The following TRIM77 variants were observed in gnomAD, a reference collection of about 807,000 sequenced individuals.
TRIM77 encodes the protein tripartite motif-containing protein 77.
TRIM77 carries 23 observed loss-of-function variants against 31.8 expected under a neutral mutation model. That is an observed-to-expected ratio of 0.72 (90% CI 0.52 to 1.02). The LOEUF (loss-of-function observed/expected upper bound fraction) is 1.02, where lower values mean the gene tolerates loss of function less well. Ranked by LOEUF, TRIM77 falls within the 50% of genes least tolerant of loss-of-function variation. The pLI, the probability that TRIM77 is intolerant of heterozygous loss-of-function variation, is 0.00. For missense variants in TRIM77, 446 were observed against 539.2 expected (o/e 0.83, Z 1.71); for synonymous variants, 159 against 183.1 (o/e 0.87, Z 1.06).
chr11:89,717,621 A>G lies in TRIM77; in HGVS notation c.1102A>G (p.Met368Val), dbSNP rs1157814705. 5.8e-6 allele frequency: 9 copies of G among 1,551,290 alleles called. No homozygotes were observed. Among genetic ancestry groups the G allele is most frequent in the Non-Finnish European group, 7.8e-6 (9 of 1,146,798 alleles). Reference protein sequence around the residue: ...CREAWTKRNDMRLDSEGIFLL... With the variant: ...CREAWTKRNDVRLDSEGIFLL... The stretch of plus-strand genomic sequence containing the variant: ...AGAAGCCTGGACAAAGAGGAATGAC[A>G]TGCGACTTGACTCTGAGGGTATCTT... Residue 368 changes from methionine (M) to valine (V), a missense_variant, in exon 6 of 6, where the codon ATG becomes GTG. Physicochemically the swap from Met to Val is conservative, Grantham distance 21. Coordinates refer to ENST00000398290, the MANE Select transcript of TRIM77 (RefSeq NM_001146162.1).
Position 89,710,455 on chromosome 11 carries a change from CCT to C in TRIM77, c.158_159del (p.Pro53ArgfsTer18), listed in dbSNP as rs761272763. The C allele has an allele frequency of 2.6e-6, 4 of 1,551,680 alleles. No homozygotes were observed. Among genetic ancestry groups the C allele is most frequent in the Non-Finnish European group, 3.5e-6 (4 of 1,146,948 alleles). On this transcript the variant is annotated frameshift_variant, in exon 1 of 6. Transcript: ENST00000398290. LOFTEE classifies it high-confidence loss of function. ...WEDTLTPNCC[P>X]VCREISQQMY... ...AGATACACTAACTCCTAATTGCTGC[CCT>C]GTGTGCAGGGAAATATCACAGCAAA...
At chr11:89,713,441 C>A (rs1949137442) in intron 2 of TRIM77, among the ~76,000 whole-genome samples, 1 of 139,678 alleles carries the variant, frequency 7.2e-6, no homozygotes. Flanking sequence ...GGGTGACAAA[C>A]TGAGACCTTG....
Position 89,717,517 on chromosome 11 carries a change from C to G in TRIM77, c.998C>G (p.Ala333Gly). 2 of 1,551,514 alleles carry G rather than the reference C, an allele frequency of 1.3e-6. No homozygotes were observed. The highest frequency in any genetic ancestry group is 1.7e-6 in the Non-Finnish European group (2 of 1,146,906). The change falls in exon 6 of 6, where the codon GCT becomes GGT. Residue 333 changes from alanine (A) to glycine (G), a missense_variant. Physicochemically the swap from Ala to Gly is moderately conservative, Grantham distance 60. Around this residue, in one of 3 missense-constraint regions of TRIM77, gnomAD observed 366 missense variants for 447.9 expected, o/e 0.82. Coordinates refer to ENST00000398290, the MANE Select transcript of TRIM77 (RefSeq NM_001146162.1). ...TSTQYTSSWG[A>G]QILSSGKHYW... ...ACACAGTATACTTCTTCATGGGGAG[C>G]TCAGATCCTCAGCTCTGGCAAACAT...
intron 3 of TRIM77, 69 bp downstream of exon 3, chr11:89,714,491 A>G: frequency 9.7e-7 from 1 of 1,031,034 alleles, no homozygotes; most frequent in Non-Finnish European, 1.4e-6. Flanking sequence ...TAGAGTCTAT[A>G]TCCTTTTTGA....
At chr11:89,716,884 TTAAA>T (rs1565426647) in intron 5 of TRIM77, among the ~76,000 whole-genome samples, 1 of 152,174 alleles carries the variant, frequency 6.6e-6, no homozygotes, top group Non-Finnish European at 1.5e-5. Flanking sequence ...ATAAGGAGGC[TTAAA>T]TAAAGGCCCA....
intron 4 of TRIM77, 90 bp downstream of exon 4, chr11:89,715,270 TTC>T: frequency 1.7e-6 from 2 of 1,190,834 alleles, no homozygotes; most frequent in Non-Finnish European, 2.4e-6. Flanking sequence ...AGTGAGGAAT[TTC>T]TGTCTGTATT....
Position 89,714,286 on chromosome 11 carries a change from T to C in TRIM77, c.602T>C (p.Leu201Pro), listed in dbSNP as rs1212591872. Residue 201 changes from leucine to proline, a missense_variant, in exon 3 of 6, where the codon CTG (leucine) becomes CCG (proline). Coordinates refer to ENST00000398290, the MANE Select transcript of TRIM77 (RefSeq NM_001146162.1). ...GAAGAGCAAAAGCACGTAGAGAGCC[T>C]GGCAAGAGAAGGCAGGATAATTTTT... ...REEEQKHVESLAREGRIIFQQ... is the reference protein window; with the variant it reads ...REEEQKHVESPAREGRIIFQQ... The C allele has an allele frequency of 1.9e-6, 3 of 1,551,676 alleles. No homozygotes were observed. The highest frequency in any genetic ancestry group is 3.9e-5 in the Admixed American group (2 of 50,988).
intron 4 of TRIM77, 110 bp downstream of exon 4, chr11:89,715,290 TTCTTATCAAAGGTCA>T: frequency 1.9e-6 from 2 of 1,036,968 alleles, no homozygotes; most frequent in Non-Finnish European, 2.9e-6. Context: ...ATTTATTCCT[TTCTTATCAAAGGTCA>T]TCCAGGCTTT....
In TRIM77 at chr11:89,711,442, G is replaced by GA. The variant is rs553410308; in HGVS notation, c.453dup (p.Gln152ThrfsTer31). ...TCCTGATTCAAATGAAGTCCATCTG[G>GA]AAAAAAAAACAGAAAAATCAAAGAA... On this transcript the variant is annotated frameshift_variant, in exon 2 of 6. Coordinates refer to ENST00000398290, the MANE Select transcript of TRIM77 (RefSeq NM_001146162.1). LOFTEE classifies it high-confidence loss of function. 11,670 of 1,356,298 alleles carry GA rather than the reference G, an allele frequency of 8.6e-3. 8 individuals are homozygous for GA. The highest frequency in any genetic ancestry group is 0.01 in the South Asian group (695 of 68,508). 84.0% of individuals were successfully genotyped at this position (1,356,298 alleles called of 1,614,324 possible).
At chr11:89,715,831 G>A in intron 4 of TRIM77, 59 bp from the exon 5 acceptor site, 1 of 1,133,692 alleles carries the variant, frequency 8.8e-7, no homozygotes, top group Non-Finnish European at 1.3e-6. Flanking sequence ...CATCTTATTA[G>A]TGGATTGCTA....
At position 89,713,454 on chromosome 11, in the gene TRIM77, T is replaced by TAAA. The variant is rs1565425741; in HGVS notation, c.508-738_508-737insAAA. 9.0e-3 allele frequency among the ~76,000 whole-genome samples: 634 copies of TAAA among 70,698 alleles called. 14 individuals carry two copies. The highest frequency in any genetic ancestry group is 8.0e-3 in the Non-Finnish European group (291 of 36,602). 46.4% of individuals were successfully genotyped at this position (70,698 alleles called of 152,430 possible). On this transcript the variant is annotated intron_variant, in intron 2 of 5. Coordinates refer to ENST00000398290, the MANE Select transcript of TRIM77 (RefSeq NM_001146162.1). ...CTGGGTGACAAACTGAGACCTTGTC[T>TAAA]CAATAATAATAATAATAATAATAAT...
intron 5 of TRIM77, among the ~76,000 whole-genome samples, chr11:89,716,784 C>T (rs1175812666): frequency 6.6e-6 from 1 of 152,066 alleles, no homozygotes; most frequent in Non-Finnish European, 1.5e-5. Flanking sequence ...TTGTTTAGGA[C>T]TAATAATGAT....
In TRIM77 at chr11:89,710,364, G is replaced by C. The variant is rs1949113283; in HGVS notation, c.66G>C (p.Leu22Phe). 1.3e-6 allele frequency: 2 copies of C among 1,551,870 alleles called. No individual in the cohort carries two copies. The highest frequency in any genetic ancestry group is 1.7e-6 in the Non-Finnish European group (2 of 1,147,004). The change falls in exon 1 of 6, where the codon TTG becomes TTC. Residue 22 changes from leucine to phenylalanine, a missense_variant. Leu to Phe is a conservative substitution (Grantham distance 22, BLOSUM62 0). This residue lies in a region of TRIM77 where 72 missense variants were observed against 64.7 expected (regional missense o/e 1.11). Coordinates refer to ENST00000398290, the MANE Select transcript of TRIM77 (RefSeq NM_001146162.1). The stretch of plus-strand genomic sequence containing the variant: ...CCTGCTCGATCTGCACAGACTATTT[G>C]ACAGACCCTGTCACCATTTGTTGTG... ...ELTCSICTDY[L>F]TDPVTICCGH... is the part of the protein sequence containing the mutation.
chr11:89,715,148 C>A lies in TRIM77; in HGVS notation c.739-10C>A. On this transcript the variant is annotated splice_polypyrimidine_tract_variant and intron_variant, in intron 3 of 5. Coordinates refer to ENST00000398290, the MANE Select transcript of TRIM77 (RefSeq NM_001146162.1). ...TGCTGCAAACTAAGCAATCCTCTCT[C>A]TCTTTATAGGATTTGGGAGACGTAA... is the stretch of plus-strand genomic sequence containing the variant. 6.4e-7 allele frequency: 1 copy of A among 1,551,278 alleles called. No individual in the cohort carries two copies.
rs1249399266 is a variant in TRIM77 at position 89,710,443 on chromosome 11, C to G, written c.145C>G (p.Pro49Ala). 6.4e-7 allele frequency: 1 copy of G among 1,551,786 alleles called. No individual in the cohort carries two copies. Among genetic ancestry groups the G allele is most frequent in the Non-Finnish European group, 8.7e-7 (1 of 1,146,996 alleles). The change falls in exon 1 of 6, where the codon CCT (proline) becomes GCT (alanine). Residue 49 changes from proline (P) to alanine (A), a missense_variant. Transcript: ENST00000398290. ...LCLLWEDTLT[P>A]NCCPVCREIS... Reference sequence around the variant, plus strand: ...CCTCTTGTGGGAAGATACACTAACTCCTAATTGCTGCCCTGTGTGCAGGGA... The same window carrying G: ...CCTCTTGTGGGAAGATACACTAACTGCTAATTGCTGCCCTGTGTGCAGGGA...
At position 89,717,428 on chromosome 11, in the gene TRIM77, C is replaced by T. The variant is rs1949169084; in HGVS notation, c.909C>T (p.Phe303=). 9.0e-6 allele frequency: 14 copies of T among 1,551,154 alleles called. No homozygotes were observed. The highest frequency in any genetic ancestry group is 3.9e-5 in the Admixed American group (2 of 50,958). Residue 303 remains phenylalanine, a synonymous_variant, in exon 6 of 6, where the codon TTC becomes TTT. Coordinates refer to ENST00000398290, the MANE Select transcript of TRIM77 (RefSeq NM_001146162.1). ...TATGCAGTAATCACAAGCTTCTGTTCGAAGACCTAAGGCATTTGCAGTGCA... is the reference window on the plus strand; with the variant it reads ...TATGCAGTAATCACAAGCTTCTGTTTGAAGACCTAAGGCATTTGCAGTGCA... ...RKICSNHKLL[F]EDLRHLQCSL...
chr11:89,715,707 T>C (rs1375452466), intron 4 of TRIM77, among the ~76,000 whole-genome samples, 183 bp from the exon 5 acceptor site: 2 of 152,180 alleles, frequency 1.3e-5, no homozygotes, highest in Middle Eastern at 3.2e-3. Flanking sequence ...TTTACTGTCA[T>C]AGAGGTATTA....
At chr11:89,711,783 G>C (rs1949124306) in intron 2 of TRIM77, among the ~76,000 whole-genome samples, 1 of 152,114 alleles carries the variant, frequency 6.6e-6, no homozygotes, top group South Asian at 2.1e-4. Flanking sequence ...AAGATCACTA[G>C]AATGAAGGTA....
intron 5 of TRIM77, among the ~76,000 whole-genome samples, chr11:89,716,846 TG>T (rs1255739615): frequency 5.2e-5 from 7 of 135,004 alleles, no homozygotes; most frequent in Admixed American, 7.4e-5. Context: ...ATTTTTAGTA[TG>T]TTTTTTTATT....
Sources: allele counts gnomAD v4.1 joint callset (sites outside exome capture counted in the v4.1 genomes callset), GRCh38; gene constraint gnomAD v4.1.1; regional missense constraint gnomAD v4.1.1; transcripts MANE v1.5; gene names NCBI Gene and HGNC (gene_info 2026-07-23, HGNC 2026-07-21).